SEMA3C: variants seen among roughly 807,000 people sequenced by gnomAD.
The protein encoded by SEMA3C is semaphorin 3C.
SEMA3C carries 47 observed loss-of-function variants against 89.4 expected under a neutral mutation model. That is an observed-to-expected ratio of 0.53 (90% CI 0.42 to 0.67). The LOEUF (loss-of-function observed/expected upper bound fraction) is 0.67. Ranked by LOEUF, SEMA3C falls within the 30% of genes least tolerant of loss-of-function variation. The probability of loss-of-function intolerance (pLI) is 0.00; values close to 1 mark genes in which losing one functional copy is unlikely to be tolerated. For missense variants in SEMA3C, 839 were observed against 929.1 expected, an observed-to-expected ratio of 0.90 and a Z score of 1.26; for synonymous variants, 310 against 320.2, an observed-to-expected ratio of 0.97 and a Z score of 0.34.
At chr7:80,859,385 A>G (rs1430002491) in intron 2 of SEMA3C, among the ~76,000 whole-genome samples, 2 of 152,126 alleles carry the variant, frequency 1.3e-5, no homozygotes, top group Non-Finnish European at 2.9e-5. Flanking sequence ...TTGTATTGAA[A>G]AAGTACCCGA....
At chr7:80,771,731 T>C (rs948274971) in intron 12 of SEMA3C, among the ~76,000 whole-genome samples, 1 of 152,234 alleles carries the variant, frequency 6.6e-6, no homozygotes, top group African/African-American at 2.4e-5. Context: ...CTGTCTGCTT[T>C]CCCCTGCGCT....
intron 10 of SEMA3C, among the ~76,000 whole-genome samples, chr7:80,799,075 C>T (rs1562880221): frequency 6.6e-6 from 1 of 152,048 alleles, no homozygotes; most frequent in Non-Finnish European, 1.5e-5. Flanking sequence ...TTATTGAAAA[C>T]AACATTTTCT....
intron 5 of SEMA3C, among the ~76,000 whole-genome samples, chr7:80,813,054 G>A (rs1401603798): frequency 2.1e-5 from 3 of 145,386 alleles, no homozygotes; most frequent in Middle Eastern, 3.3e-3. Flanking sequence ...TGATCTGCCC[G>A]CCTTGGCCTC....
chr7:80,806,787 C>A (rs1450514640), intron 6 of SEMA3C, among the ~76,000 whole-genome samples: 1 of 152,090 alleles, frequency 6.6e-6, no homozygotes, highest in Non-Finnish European at 1.5e-5. Context: ...GACTGTTGTT[C>A]TAGGATTACT....
upstream of SEMA3C, among the ~76,000 whole-genome samples, chr7:80,919,945 T>C (rs958861903): frequency 6.6e-6 from 1 of 152,178 alleles, no homozygotes; most frequent in African/African-American, 2.4e-5. Flanking sequence ...TTGTTTCCTA[T>C]TGAGTTTCCT....
At chr7:80,793,143 T>C (rs1053388254) in intron 11 of SEMA3C, among the ~76,000 whole-genome samples, 1 of 152,238 alleles carries the variant, frequency 6.6e-6, no homozygotes, top group Non-Finnish European at 1.5e-5. Context: ...GCTATTTGTT[T>C]ATCAAGCAGT....
intron 12 of SEMA3C, among the ~76,000 whole-genome samples, chr7:80,767,037 A>G (rs549089443): frequency 1.6e-3 from 238 of 152,306 alleles, no homozygotes; most frequent in African/African-American, 5.6e-3. Flanking sequence ...ACCCTAAGTC[A>G]AAGGTCAAAA....
intron 12 of SEMA3C, among the ~76,000 whole-genome samples, chr7:80,769,066 T>A (rs1190908712): frequency 6.6e-6 from 1 of 152,222 alleles, no homozygotes; most frequent in African/African-American, 2.4e-5. Context: ...AATTTTTTTA[T>A]CTTTAATCAT....
rs542957610 is a variant in SEMA3C, at chr7:80,881,354, C to T, written c.103+35325G>A. ...GTCATTTTCATATACCTGAAAATAA[C>T]CTGTAAGTTATATGGAAATTTGCAA... On this transcript the variant is annotated intron_variant, in intron 2 of 17. Coordinates refer to ENST00000265361, the MANE Select transcript of SEMA3C (RefSeq NM_006379.5). Among the ~76,000 whole-genome samples the T allele has an allele frequency of 8.3e-4, 127 of 152,150 alleles. 1 individual carries two copies. The highest frequency in any genetic ancestry group is 2.8e-3 in the African/African-American group (115 of 41,494).
chr7:80,766,981 CAG>C lies in SEMA3C; in HGVS notation c.1355-1740_1355-1739del, dbSNP rs1218502999. Among the ~76,000 whole-genome samples, 3 of 152,208 alleles carry C rather than the reference CAG, an allele frequency of 2.0e-5. No individual in the cohort carries two copies. In the East Asian group the frequency reaches 5.8e-4, roughly 29 times the overall value. ...GGACAGCTCACCCCAAGGCAGGAAT[CAG>C]GGGAGAAGGAGTCCAAGACCCCAGA... is the stretch of plus-strand genomic sequence containing the variant. On this transcript the variant is annotated intron_variant, in intron 12 of 17. Transcript: ENST00000265361.
chr7:80,894,432 A>G (rs1791686008), intron 2 of SEMA3C, among the ~76,000 whole-genome samples: 1 of 152,104 alleles, frequency 6.6e-6, no homozygotes, highest in Non-Finnish European at 1.5e-5. Context: ...TTAGTTTTTC[A>G]ATATTACAAG....
intron 2 of SEMA3C, among the ~76,000 whole-genome samples, chr7:80,883,678 A>G (rs548938658): frequency 6.6e-5 from 10 of 152,216 alleles, no homozygotes; most frequent in Non-Finnish European, 1.3e-4. Context: ...GACACAAATG[A>G]AGGCTCACAA....
At chr7:80,859,532 C>A (rs1790722176) in intron 2 of SEMA3C, among the ~76,000 whole-genome samples, 1 of 152,168 alleles carries the variant, frequency 6.6e-6, no homozygotes, top group African/African-American at 2.4e-5. Flanking sequence ...GCAACTAGTT[C>A]TCTTAATCAC....
intron 2 of SEMA3C, among the ~76,000 whole-genome samples, chr7:80,860,549 A>G (rs1170795749): frequency 6.6e-6 from 1 of 152,232 alleles, no homozygotes; most frequent in Non-Finnish European, 1.5e-5. Flanking sequence ...CAAGCTGAGT[A>G]TTACAGAGAC....
At chr7:80,922,367 G>C, upstream of SEMA3C, 2 of 1,139,508 alleles carry the variant, frequency 1.8e-6, no homozygotes, top group Non-Finnish European at 2.3e-6. Flanking sequence ...TGTATCTTTG[G>C]AAAGTCTCAA....
intron 2 of SEMA3C, among the ~76,000 whole-genome samples, chr7:80,898,488 T>C (rs979143837): frequency 1.3e-5 from 2 of 152,124 alleles, no homozygotes; most frequent in South Asian, 2.1e-4. Context: ...GATGAGTATA[T>C]AGCAGAGTAA....
At chr7:80,756,898 C>T (rs1181160115) in intron 15 of SEMA3C, among the ~76,000 whole-genome samples, 6 of 152,114 alleles carry the variant, frequency 3.9e-5, no homozygotes, top group South Asian at 2.1e-4. Context: ...ATTCACAGAT[C>T]GTGTTATTAT....
At chr7:80,763,454 A>G (rs1788230365) in intron 13 of SEMA3C, among the ~76,000 whole-genome samples, 1 of 152,064 alleles carries the variant, frequency 6.6e-6, no homozygotes. Flanking sequence ...GAAAACTCAG[A>G]CTTTTTTTGG....
chr7:80,747,479 A>G (rs1217486417), intron 17 of SEMA3C, among the ~76,000 whole-genome samples: 1 of 152,158 alleles, frequency 6.6e-6, no homozygotes, highest in Non-Finnish European at 1.5e-5. Context: ...ATATACATAT[A>G]GGCTTTTTCT....
Sources: gnomAD v4.1 joint callset for allele counts (sites outside exome capture counted in the v4.1 genomes callset) on GRCh38, gnomAD v4.1.1 for gene constraint, MANE v1.5 for transcripts, NCBI Gene and HGNC (gene_info 2026-07-23, HGNC 2026-07-21) for gene names.